USP37: variants seen among roughly 807,000 people sequenced by gnomAD.
USP37 encodes the protein ubiquitin specific peptidase 37, also known as ubiquitin carboxyl-terminal hydrolase 37.
A neutral mutation model predicts 124.0 loss-of-function variants in USP37; 27 were observed. That is an observed-to-expected ratio of 0.22 (90% CI 0.16 to 0.30). USP37 has a LOEUF of 0.30. Among genes scored for constraint, USP37 ranks in the 10% least tolerant of loss-of-function variants. The pLI, the probability that USP37 is intolerant of heterozygous loss-of-function variation, is 1.00. For synonymous variants in USP37, 365 were observed against 388.0 expected, an observed-to-expected ratio of 0.94 and a Z score of 0.70; for missense variants, 889 against 1,140.4, an observed-to-expected ratio of 0.78 and a Z score of 3.17.
intron 14 of USP37, among the ~76,000 whole-genome samples, chr2:218,492,229 A>G (rs940518978): frequency 1.3e-5 from 2 of 152,062 alleles, no homozygotes; most frequent in African/African-American, 4.8e-5. Flanking sequence ...AAATAAAAAT[A>G]AAAATAAGAG....
At chr2:218,529,485 A>AC (rs1691188594) in intron 10 of USP37, among the ~76,000 whole-genome samples, 1 of 138,010 alleles carries the variant, frequency 7.2e-6, no homozygotes, top group Non-Finnish European at 1.5e-5. Flanking sequence ...AACAAAAAAA[A>AC]AAAAAAAAAA....
At chr2:218,464,956 T>C (rs576540982) in intron 21 of USP37, among the ~76,000 whole-genome samples, 9 of 151,924 alleles carry the variant, frequency 5.9e-5, no homozygotes, top group African/African-American at 2.2e-4. Flanking sequence ...TGGATGCTCC[T>C]GTGGTCCCAT....
At position 218,454,995 on chromosome 2, in the gene USP37, C is replaced by T. The variant is rs896589225; in HGVS notation, c.2875G>A (p.Glu959Lys). ...MHKEIFDELL[E>K]TEKNSQSLST... ...AGTGACTGAGAGTTCTTTTCTGTTT[C>T]CAGCAGCTCATCAAAGATCTCCCTT... The change falls in exon 26 of 26, where the codon GAA becomes AAA. Residue 959 changes from glutamate to lysine, a missense_variant. Physicochemically the swap from Glu to Lys is moderately conservative, Grantham distance 56 (BLOSUM62 1). This residue lies in a region of USP37 where 504 missense variants were observed against 714.3 expected (regional missense o/e 0.71). Transcript: ENST00000258399. The T allele has an allele frequency of 4.3e-6, 7 of 1,613,828 alleles. No homozygotes were observed. Among genetic ancestry groups the T allele is most frequent in the Middle Eastern group, 1.6e-4 (1 of 6,084 alleles).
At chr2:218,459,196 A>G (rs745766153) in intron 23 of USP37, among the ~76,000 whole-genome samples, 1 of 151,896 alleles carries the variant, frequency 6.6e-6, no homozygotes, top group Non-Finnish European at 1.5e-5. Flanking sequence ...ATTCAGTGTA[A>G]CTAAAGGTAA....
chr2:218,521,329 T>C (rs1156523937), intron 10 of USP37, among the ~76,000 whole-genome samples: 1 of 152,246 alleles, frequency 6.6e-6, no homozygotes, highest in Non-Finnish European at 1.5e-5. Context: ...TCTAGAGATT[T>C]TATTTTTTAA....
intron 7 of USP37, among the ~76,000 whole-genome samples, 172 bp from the exon 8 acceptor site, chr2:218,546,470 G>C (rs1402958953): frequency 6.6e-6 from 1 of 152,182 alleles, no homozygotes; most frequent in African/African-American, 2.4e-5. Context: ...CCAGTCTGAA[G>C]TGTAGTGACA....
chr2:218,494,601 G>C (rs1489286287), intron 14 of USP37, among the ~76,000 whole-genome samples: 2 of 152,250 alleles, frequency 1.3e-5, no homozygotes, highest in East Asian at 3.9e-4. Context: ...TACACTGATG[G>C]GTAAAGACTA....
chr2:218,511,967 C>G (rs2106004893), intron 10 of USP37, among the ~76,000 whole-genome samples: 1 of 152,096 alleles, frequency 6.6e-6, no homozygotes, highest in East Asian at 1.9e-4. Flanking sequence ...GTGTCTTTTT[C>G]TGTATGTTGT....
intron 20 of USP37, among the ~76,000 whole-genome samples, chr2:218,470,277 C>T (rs1690603191): frequency 6.6e-6 from 1 of 152,032 alleles, no homozygotes; most frequent in Non-Finnish European, 1.5e-5. Flanking sequence ...GTGACTTCTC[C>T]CTCTCATTCA....
chr2:218,472,893 A>G (rs1690772273), intron 20 of USP37, among the ~76,000 whole-genome samples: 1 of 152,106 alleles, frequency 6.6e-6, no homozygotes, highest in African/African-American at 2.4e-5. Flanking sequence ...GTTGTTTCCA[A>G]AATATTTTTT....
At chr2:218,532,964 T>TA (rs1046840538) in intron 9 of USP37, among the ~76,000 whole-genome samples, 3 of 151,892 alleles carry the variant, frequency 2.0e-5, no homozygotes, top group African/African-American at 4.8e-5. Context: ...ATTTTTTTTT[T>TA]AGACATAATG....
At chr2:218,477,502 C>CATGTACTT (rs1691041632) in intron 18 of USP37, among the ~76,000 whole-genome samples, 8 of 152,070 alleles carry the variant, frequency 5.3e-5, no homozygotes. Flanking sequence ...TTCCAAAGCC[C>CATGTACTT]ATGTACTTAG....
In USP37 at chr2:218,510,053, C is replaced by A. The variant is rs375067962; in HGVS notation, c.951G>T (p.Arg317Ser). Residue 317 changes from arginine (R) to serine (S), a missense_variant, in exon 11 of 26, where the codon AGG (arginine) becomes AGT (serine). Transcript: ENST00000258399. ...QPVPLSVKKL[R>S]CNQDYTGWNK... The stretch of plus-strand genomic sequence containing the variant: ...TCCAGCCAGTGTAATCCTGGTTACA[C>A]CTCAGTTTTTTAACAGAAAGAGGAA... The A allele has an allele frequency of 2.5e-5, 41 of 1,612,876 alleles. No individual in the cohort carries two copies. Among genetic ancestry groups the A allele is most frequent in the Non-Finnish European group, 3.3e-5 (39 of 1,179,732 alleles).
intron 15 of USP37, among the ~76,000 whole-genome samples, chr2:218,487,201 G>T (rs140217821): frequency 6.6e-6 from 1 of 152,028 alleles, no homozygotes. Context: ...TATCTGTAAC[G>T]GTATATCACA....
chr2:218,501,328 C>T (rs1258375941), intron 11 of USP37, among the ~76,000 whole-genome samples: 6 of 152,062 alleles, frequency 3.9e-5, no homozygotes, highest in African/African-American at 1.2e-4. Context: ...GTGTGAGCCA[C>T]ATGTCTGGTG....
intron 25 of USP37, 68 bp downstream of exon 25, chr2:218,455,512 A>G (rs1406755567): frequency 0.07 from 574 of 8,164 alleles, no homozygotes; most frequent in Middle Eastern, 0.33. Context: ...CCTCAAAGGA[A>G]AAAAAAAAAA....
intron 21 of USP37, among the ~76,000 whole-genome samples, chr2:218,465,008 G>A (rs540615968): frequency 6.6e-6 from 1 of 152,238 alleles, no homozygotes; most frequent in Non-Finnish European, 1.5e-5. Context: ...TGAGCTCAGA[G>A]TTTGAGGCTG....
In USP37 at chr2:218,493,676, G is replaced by A. The variant is rs546961529; in HGVS notation, c.1472+2084C>T. Reference sequence around the variant, plus strand: ...AATGAAGATGGGGTTTCACCATGTTGGCCAGGCTGGTCTCGAACTCCTGAC... The same window carrying A: ...AATGAAGATGGGGTTTCACCATGTTAGCCAGGCTGGTCTCGAACTCCTGAC... On this transcript the variant is annotated intron_variant, in intron 14 of 25. Transcript: ENST00000258399. 6.6e-5 allele frequency among the ~76,000 whole-genome samples: 10 copies of A among 152,072 alleles called. No homozygotes were observed. In the South Asian group the frequency reaches 2.1e-3, roughly 32 times the overall value.
chr2:218,535,697 A>T (rs529618786), intron 8 of USP37, among the ~76,000 whole-genome samples: 2 of 152,200 alleles, frequency 1.3e-5, no homozygotes, highest in African/African-American at 4.8e-5. Context: ...TCTACTAAAA[A>T]TACAATAATT....
Sources: gnomAD v4.1 joint callset for allele counts (sites outside exome capture counted in the v4.1 genomes callset) on GRCh38, gnomAD v4.1.1 for gene constraint, gnomAD v4.1.1 regional missense constraint, MANE v1.5 for transcripts, NCBI Gene and HGNC (gene_info 2026-07-23, HGNC 2026-07-21) for gene names.